CYS1: variants seen among roughly 807,000 people sequenced by gnomAD.
CYS1 encodes the protein cystin 1.
Under a neutral mutation model 9.6 loss-of-function variants are expected in CYS1, and 5 were observed. The observed-to-expected ratio is 0.52, with a 90% confidence interval of 0.27 to 1.10. The LOEUF (loss-of-function observed/expected upper bound fraction) is 1.10, where lower values mean the gene tolerates loss of function less well. Among genes scored for constraint, CYS1 ranks in the 50% least tolerant of loss-of-function variants. The probability of loss-of-function intolerance (pLI) is 0.11; values close to 1 mark genes in which losing one functional copy is unlikely to be tolerated. For missense variants in CYS1, 221 were observed against 207.9 expected, an observed-to-expected ratio of 1.06 and a Z score of -0.39; for synonymous variants, 88 against 95.7, an observed-to-expected ratio of 0.92 and a Z score of 0.47.
At chr2:10,075,113 C>CAA (rs35611243) in intron 1 of CYS1, among the ~76,000 whole-genome samples, 5 of 146,296 alleles carry the variant, frequency 3.4e-5, no homozygotes, top group Non-Finnish European at 6.0e-5. Context: ...GACTCCATCT[C>CAA]AAAAAAAAAA....
intron 1 of CYS1, 141 bp from the exon 2 acceptor site, chr2:10,066,097 T>C: frequency 1.1e-6 from 1 of 912,666 alleles, no homozygotes; most frequent in Non-Finnish European, 1.7e-6. Context: ...GCTCTCGAGC[T>C]GTCAAGTTCC....
At chr2:10,072,927 G>A (rs1297119960) in intron 1 of CYS1, among the ~76,000 whole-genome samples, 2 of 149,976 alleles carry the variant, frequency 1.3e-5, no homozygotes, top group Non-Finnish European at 3.0e-5. Flanking sequence ...GCGTAGGGGG[G>A]GATGGCGCAG....
chr2:10,067,868 T>C (rs1038204926), intron 1 of CYS1, among the ~76,000 whole-genome samples: 32 of 152,230 alleles, frequency 2.1e-4, no homozygotes, highest in African/African-American at 7.5e-4. Context: ...ATTTTTCCCC[T>C]AACCTTTCTG....
chr2:10,076,449 T>G lies in CYS1; in HGVS notation c.318+3457A>C, dbSNP rs1482555586. Among the ~76,000 whole-genome samples the G allele has an allele frequency of 3.3e-5, 5 of 152,084 alleles. No homozygotes were observed. In the East Asian group the frequency reaches 7.7e-4, roughly 23 times the overall value. On this transcript the variant is annotated intron_variant, in intron 1 of 2. Coordinates refer to ENST00000381813, the MANE Select transcript of CYS1 (RefSeq NM_001037160.3). This position sits in a 1 kb window ranked among gnomAD's most constrained non-coding sequence, Gnocchi z 4.3. ...TCCTTGTGTCCTATTCTCCATGAACTCCAGCCCAAGGCGCCTCCCACCACT... is the reference window on the plus strand; with the variant it reads ...TCCTTGTGTCCTATTCTCCATGAACGCCAGCCCAAGGCGCCTCCCACCACT...
chr2:10,071,184 C>G (rs1661762933), intron 1 of CYS1, among the ~76,000 whole-genome samples: 1 of 152,238 alleles, frequency 6.6e-6, no homozygotes, highest in Non-Finnish European at 1.5e-5. Flanking sequence ...CCACGCTAGT[C>G]TCGAACTTTT....
chr2:10,069,303 A>G (rs1661734050), intron 1 of CYS1, among the ~76,000 whole-genome samples: 1 of 152,236 alleles, frequency 6.6e-6, no homozygotes, highest in Non-Finnish European at 1.5e-5. Context: ...TTTCAGACAT[A>G]CAAAGACTTA....
intron 2 of CYS1, among the ~76,000 whole-genome samples, chr2:10,065,536 C>T (rs753902569): frequency 2.0e-4 from 30 of 152,206 alleles, no homozygotes; most frequent in Admixed American, 2.6e-4. Context: ...CGCTGCTGGC[C>T]CTGGGCTGCG....
intron 1 of CYS1, among the ~76,000 whole-genome samples, chr2:10,079,428 G>A (rs941438329): frequency 6.6e-6 from 1 of 152,232 alleles, no homozygotes; most frequent in African/African-American, 2.4e-5. Context: ...GAGTATTCAG[G>A]GAGAGAGAAT....
intron 1 of CYS1, among the ~76,000 whole-genome samples, chr2:10,071,441 C>T (rs1199662044): frequency 6.6e-6 from 1 of 152,234 alleles, no homozygotes; most frequent in Non-Finnish European, 1.5e-5. Flanking sequence ...CATGAAGACA[C>T]TGCAGCTTCA....
At chr2:10,059,495 G>C (rs1019212774) in intron 2 of CYS1, among the ~76,000 whole-genome samples, 1 of 152,138 alleles carries the variant, frequency 6.6e-6, no homozygotes, top group Non-Finnish European at 1.5e-5. Context: ...TCAGGAATTC[G>C]AGACCAGCCT....
intron 1 of CYS1, among the ~76,000 whole-genome samples, chr2:10,068,800 G>A (rs1443117541): frequency 3.3e-5 from 5 of 152,216 alleles, no homozygotes; most frequent in Admixed American, 6.5e-5. Context: ...CCAGCTAGGC[G>A]TGGTGGCTAC....
chr2:10,073,467 T>G (rs1661802337), intron 1 of CYS1, among the ~76,000 whole-genome samples: 1 of 152,244 alleles, frequency 6.6e-6, no homozygotes, highest in African/African-American at 2.4e-5. Context: ...AAGGTGGGAC[T>G]GAACCATCTG....
rs1215651119 is a variant in CYS1 at position 10,057,921 on chromosome 2, C to G, written c.*932G>C. The stretch of plus-strand genomic sequence containing the variant: ...TTCCAAGGCTCTTCCTGCCTCACTG[C>G]TGTGGTTTCCCACCTTCCACCCAGG... On this transcript the variant is annotated 3_prime_UTR_variant, in exon 3 of 3. Transcript: ENST00000381813. The G allele has an allele frequency of 6.6e-6, 1 of 152,328 alleles. No homozygotes were observed. The highest frequency in any genetic ancestry group is 1.9e-4 in the East Asian group (1 of 5,194). 9.4% of individuals were successfully genotyped at this position (152,328 alleles called of 1,614,324 possible). A position where few individuals can be genotyped will look rare whatever the true frequency, so the allele number is the denominator to read the frequency against.
chr2:10,061,593 C>T (rs1282105684), intron 2 of CYS1, among the ~76,000 whole-genome samples: 1 of 152,226 alleles, frequency 6.6e-6, no homozygotes, highest in Non-Finnish European at 1.5e-5. Flanking sequence ...TCTCCTCACT[C>T]GTCCTGTCTC....
rs1661653690 is a variant in CYS1, at chr2:10,063,369, G to A, written c.371+2535C>T. The stretch of plus-strand genomic sequence containing the variant: ...TGACCAGGAAGGGGATAGAGTATGA[G>A]GGGGAGATGTTTAAACTGTGCTTTG... On this transcript the variant is annotated intron_variant, in intron 2 of 2. Coordinates refer to ENST00000381813, the MANE Select transcript of CYS1 (RefSeq NM_001037160.3). This position sits in a 1 kb window ranked among gnomAD's most constrained non-coding sequence, Gnocchi z 4.2. 6.6e-6 allele frequency among the ~76,000 whole-genome samples: 1 copy of A among 152,194 alleles called. No individual in the cohort carries two copies. The highest frequency in any genetic ancestry group is 2.1e-4 in the South Asian group (1 of 4,830).
intron 1 of CYS1, among the ~76,000 whole-genome samples, chr2:10,078,679 G>C (rs1661894141): frequency 6.6e-6 from 1 of 152,154 alleles, no homozygotes; most frequent in Non-Finnish European, 1.5e-5. Flanking sequence ...CTTTTGATAC[G>C]GATCTCTCAT....
intron 1 of CYS1, among the ~76,000 whole-genome samples, chr2:10,071,082 C>T (rs1297855574): frequency 6.6e-6 from 1 of 152,176 alleles, no homozygotes; most frequent in Non-Finnish European, 1.5e-5. Context: ...TCTCCTGCCT[C>T]AGCCTCCCGA....
In CYS1 at chr2:10,057,823, C is replaced by G. The variant is rs1661571903; in HGVS notation, c.*1030G>C. 6.6e-6 allele frequency: 1 copy of G among 152,432 alleles called. No homozygotes were observed. The highest frequency in any genetic ancestry group is 2.1e-4 in the South Asian group (1 of 4,836). The allele number at this position is 152,432 out of a possible 1,614,324, so 9.4% of individuals were successfully genotyped here. On this transcript the variant is annotated 3_prime_UTR_variant, in exon 3 of 3. Coordinates refer to ENST00000381813, the MANE Select transcript of CYS1 (RefSeq NM_001037160.3). ...CTGCCCGCCCACACAGGAGTCCCCT[C>G]TAGCCGGAGCTCCGCCCCCTGTTCC...
intron 1 of CYS1, 115 bp from the exon 2 acceptor site, chr2:10,066,071 G>A: frequency 5.1e-6 from 6 of 1,172,946 alleles, no homozygotes; most frequent in Non-Finnish European, 7.5e-6. Context: ...GGATCCATAA[G>A]CCTCGGAGCG....
Sources: allele counts gnomAD v4.1 joint callset (sites outside exome capture counted in the v4.1 genomes callset), GRCh38; gene constraint gnomAD v4.1.1; non-coding constraint Gnocchi (gnomAD v3.1); transcripts MANE v1.5; gene names NCBI Gene and HGNC (gene_info 2026-07-23, HGNC 2026-07-21).